TAF1: variants seen among roughly 807,000 people sequenced by gnomAD.
TAF1 encodes transcription initiation factor TFIID subunit 1.
A neutral mutation model predicts 138.5 loss-of-function variants in TAF1; 2 were observed. The observed-to-expected ratio is 0.01, with a 90% confidence interval of 0.01 to 0.05. TAF1 has a LOEUF of 0.05. TAF1 is among the 10% of genes least tolerant of loss of function. The pLI is 1.00. For synonymous variants in TAF1, 437 were observed against 503.2 expected (o/e 0.87, Z 1.76); for missense variants, 709 against 1,478.0 (o/e 0.48, Z 8.53).
chrX:71,478,912 G>A (rs981783752), intron 13 of TAF1, among the ~76,000 whole-genome samples: 1 of 112,258 alleles, frequency 8.9e-6, no homozygotes, highest in Non-Finnish European at 1.9e-5. Context: ...TGGGATTACA[G>A]GCGTGAGCCA....
intron 32 of TAF1, among the ~76,000 whole-genome samples, chrX:71,446,260 C>A (rs1052588899): frequency 9.0e-6 from 1 of 111,529 alleles, no homozygotes; most frequent in Non-Finnish European, 1.9e-5. Context: ...TGCAAAATTT[C>A]TGTAGGAAAT....
At chrX:71,516,745 C>T (rs999916345) in intron 13 of TAF1, among the ~76,000 whole-genome samples, 13 of 108,904 alleles carry the variant, frequency 1.2e-4, no homozygotes, top group Non-Finnish European at 2.3e-4. Flanking sequence ...CTCTCTGTCG[C>T]CCAGGCTGGA....
At chrX:71,448,086 A>G (rs2037780610) in intron 32 of TAF1, among the ~76,000 whole-genome samples, 1 of 112,237 alleles carries the variant, frequency 8.9e-6, no homozygotes, top group African/African-American at 3.2e-5. Context: ...GACAAGTCAC[A>G]GATTATCTTT....
At chrX:71,516,352 A>G (rs755017912) in intron 13 of TAF1, among the ~76,000 whole-genome samples, 1 of 107,562 alleles carries the variant, frequency 9.3e-6, no homozygotes, top group African/African-American at 3.4e-5. Context: ...GATTAGAGGC[A>G]TTAGCCACCG....
intron 3 of TAF1, among the ~76,000 whole-genome samples, chrX:71,373,400 T>G (rs2033235601): frequency 9.3e-6 from 1 of 107,211 alleles, no homozygotes; most frequent in Non-Finnish European, 1.9e-5. Context: ...ACTCCTGAGC[T>G]CAGGCAATCC....
At chrX:71,490,235 A>T (rs2039249543) in intron 13 of TAF1, among the ~76,000 whole-genome samples, 1 of 112,185 alleles carries the variant, frequency 8.9e-6, no homozygotes, top group Non-Finnish European at 1.9e-5. Context: ...TCACCAACAA[A>T]CTAACATGCT....
rs144087585 is a variant in TAF1, at chrX:71,463,508, A to G, written c.5400-316A>G. Among the ~76,000 whole-genome samples, 939 of 111,334 alleles carry G rather than the reference A, an allele frequency of 8.4e-3. 14 individuals are homozygous for G. The highest frequency in any genetic ancestry group is 0.028 in the African/African-American group (873 of 30,658). Reference sequence around the variant, plus strand: ...TATTGAAGAGAGAATCTTCAGGACTATTGACTAATTGGATACTGTAAGTGG... The same window carrying G: ...TATTGAAGAGAGAATCTTCAGGACTGTTGACTAATTGGATACTGTAAGTGG... On this transcript the variant is annotated intron_variant, in intron 37 of 37. Coordinates refer to ENST00000423759, the MANE Select transcript of TAF1 (RefSeq NM_004606.5).
At chrX:71,458,435 G>T in intron 35 of TAF1, 69 bp downstream of exon 35, 1 of 1,137,919 alleles carries the variant, frequency 8.8e-7, no homozygotes, top group Non-Finnish European at 1.2e-6. Flanking sequence ...GAATGGTGAT[G>T]GTGATGGTGA....
chrX:71,371,584 C>A (rs1396406728), intron 3 of TAF1, among the ~76,000 whole-genome samples: 1 of 111,816 alleles, frequency 8.9e-6, no homozygotes, highest in Non-Finnish European at 1.9e-5. Context: ...AAGGATAGAG[C>A]AATTTCACAG....
At chrX:71,382,435 C>T (rs992135322) in intron 9 of TAF1, 101 bp from the exon 10 acceptor site, 43 of 1,100,576 alleles carry the variant, frequency 3.9e-5, no homozygotes, top group Admixed American at 6.0e-5. Context: ...AAGACCTTCA[C>T]TGGAACATCC....
intron 34 of TAF1, among the ~76,000 whole-genome samples, chrX:71,456,849 A>G (rs1034250010): frequency 1.9e-5 from 2 of 107,669 alleles, no homozygotes; most frequent in Non-Finnish European, 3.8e-5. Context: ...CTAATTTTGT[A>G]TTTTTAGTAG....
intron 13 of TAF1, among the ~76,000 whole-genome samples, chrX:71,522,963 C>T (rs1351877605): frequency 9.1e-6 from 1 of 109,333 alleles, no homozygotes; most frequent in South Asian, 3.9e-4. Context: ...AAGGAGATCA[C>T]CTGAGCTCAG....
At chrX:71,523,105 C>T (rs763095288) in intron 13 of TAF1, among the ~76,000 whole-genome samples, 34 of 104,615 alleles carry the variant, frequency 3.3e-4, no homozygotes, top group African/African-American at 1.2e-3. Flanking sequence ...TCGCTTGAGC[C>T]CGGGAGGCAG....
intron 28 of TAF1, among the ~76,000 whole-genome samples, chrX:71,412,739 C>T (rs1323790911): frequency 8.9e-6 from 1 of 111,986 alleles, no homozygotes; most frequent in Non-Finnish European, 1.9e-5. Flanking sequence ...AGGCGCGTGC[C>T]ACCCACGCCT....
In TAF1 at chrX:71,465,177, A is replaced by G. The variant is rs1376626638; in HGVS notation, c.*1131A>G. On this transcript the variant is annotated 3_prime_UTR_variant, in exon 38 of 38. Coordinates refer to ENST00000423759, the MANE Select transcript of TAF1 (RefSeq NM_004606.5). ...CACTCTATCAGATCCTTGGGATGCA[A>G]AGGTAAATAAGACAAATCCCTTTTA... 8.9e-6 allele frequency: 1 copy of G among 111,737 alleles called. No individual in the cohort carries two copies. The highest frequency in any genetic ancestry group is 1.9e-5 in the Non-Finnish European group (1 of 53,194). 9.2% of individuals were successfully genotyped at this position (111,737 alleles called of 1,213,427 possible). A position where few individuals can be genotyped will look rare whatever the true frequency, so the allele number is the denominator to read the frequency against.
At chrX:71,451,980 T>G (rs1374348673) in intron 32 of TAF1, among the ~76,000 whole-genome samples, 4 of 112,622 alleles carry the variant, frequency 3.6e-5, no homozygotes, top group African/African-American at 1.3e-4. Context: ...CCGTTCTCAA[T>G]GAGCTGTTGG....
At chrX:71,454,577 C>T (rs186332834) in intron 33 of TAF1, among the ~76,000 whole-genome samples, 164 bp from the exon 34 acceptor site, 10 of 111,706 alleles carry the variant, frequency 9.0e-5, no homozygotes, top group Admixed American at 2.9e-4. Context: ...CCCCCAACTC[C>T]GCATCCCCTG....
chrX:71,366,505 GGGCGTGGGGGTAGGGCTC>G lies in TAF1; in HGVS notation c.120+14_120+31del. ...AGCGTCTTGGATGATGTGAGGGGGTGGGCGTGGGGGTAGGGCTCGGGGGGTGGGGCTAAGCAGAGGAAG... is the reference window on the plus strand; with the variant it reads ...AGCGTCTTGGATGATGTGAGGGGGTGGGGGGGTGGGGCTAAGCAGAGGAAG... On this transcript the variant is annotated intron_variant, in intron 1 of 37. Transcript: ENST00000423759. The G allele has an allele frequency of 9.2e-7, 1 of 1,091,240 alleles. No individual in the cohort carries two copies. Among genetic ancestry groups the G allele is most frequent in the Non-Finnish European group, 1.2e-6 (1 of 818,739 alleles). The allele number at this position is 1,091,240 out of a possible 1,213,427, so 89.9% of individuals were successfully genotyped here. A position where few individuals can be genotyped will look rare whatever the true frequency, so the allele number is the denominator to read the frequency against.
intron 32 of TAF1, among the ~76,000 whole-genome samples, chrX:71,449,796 G>T (rs941128582): frequency 2.7e-5 from 3 of 111,680 alleles, no homozygotes; most frequent in Non-Finnish European, 5.6e-5. Context: ...TTTTTGAGAT[G>T]AAGTCTTGCT....
Sources: gnomAD v4.1 joint callset for allele counts (sites outside exome capture counted in the v4.1 genomes callset) on GRCh38, gnomAD v4.1.1 for gene constraint, MANE v1.5 for transcripts, NCBI Gene and HGNC (gene_info 2026-07-23, HGNC 2026-07-21) for gene names.